Variants in VPS13C observed in about 807,000 individuals in gnomAD.
VPS13C encodes intermembrane lipid transfer protein VPS13C.
Under a neutral mutation model 456.8 loss-of-function variants are expected in VPS13C, and 358 were observed. That is an observed-to-expected ratio of 0.78 (90% CI 0.72 to 0.86). The LOEUF is 0.86. Ranked by LOEUF, VPS13C falls within the 40% of genes least tolerant of loss-of-function variation. The probability of loss-of-function intolerance (pLI) is 0.00; values close to 1 mark genes in which losing one functional copy is unlikely to be tolerated. For synonymous variants in VPS13C, 1,578 were observed against 1,486.7 expected (o/e 1.06, Z -1.41); for missense variants, 4,818 against 4,385.4 (o/e 1.10, Z -2.79).
chr15:61,924,901 G>T (rs1385725385), intron 53 of VPS13C, among the ~76,000 whole-genome samples: 1 of 152,094 alleles, frequency 6.6e-6, no homozygotes, highest in African/African-American at 2.4e-5. Flanking sequence ...TTCGTGACTG[G>T]GCACGAGGTA....
At chr15:61,909,269 G>T in intron 64 of VPS13C, 144 bp from the exon 65 acceptor site, 1 of 965,540 alleles carries the variant, frequency 1.0e-6, no homozygotes, top group Non-Finnish European at 1.5e-6. Flanking sequence ...GTACAGTGGC[G>T]CCATCTCGGG....
chr15:62,036,956 A>G (rs1035600513), intron 3 of VPS13C, among the ~76,000 whole-genome samples: 1 of 151,056 alleles, frequency 6.6e-6, no homozygotes, highest in African/African-American at 2.4e-5. Flanking sequence ...ATTTTAACCT[A>G]AGGAGAAATT....
chr15:62,045,204 G>A (rs182881195), intron 1 of VPS13C, among the ~76,000 whole-genome samples: 1 of 152,230 alleles, frequency 6.6e-6, no homozygotes, highest in Admixed American at 6.5e-5. Context: ...AAGATTACTA[G>A]AACAATATTC....
At chr15:61,941,261 G>T (rs543564155) in intron 46 of VPS13C, among the ~76,000 whole-genome samples, 3 of 152,228 alleles carry the variant, frequency 2.0e-5, no homozygotes, top group East Asian at 1.9e-4. Context: ...ATTCCAGCTT[G>T]CCTGCCAACA....
chr15:61,983,819 C>G lies in VPS13C; in HGVS notation c.1914+1G>C. ...AAGAGTTACTTTCTCCTTGCACTTA[C>G]AGCATCATAGATGACCTCCACAGGC... On this transcript the variant is annotated splice_donor_variant, in intron 20 of 84. Coordinates refer to ENST00000644861, the MANE Select transcript of VPS13C (RefSeq NM_020821.3). LOFTEE classifies it high-confidence loss of function. 6.2e-7 allele frequency: 1 copy of G among 1,613,234 alleles called. No homozygotes were observed. The highest frequency in any genetic ancestry group is 8.5e-7 in the Non-Finnish European group (1 of 1,179,780).
At position 61,962,734 on chromosome 15, in the gene VPS13C, T is replaced by A. The variant is rs1436781996; in HGVS notation, c.3435+15A>T. The A allele has an allele frequency of 6.5e-7, 1 of 1,545,226 alleles. No individual in the cohort carries two copies. Among genetic ancestry groups the A allele is most frequent in the South Asian group, 1.2e-5 (1 of 81,614 alleles). On this transcript the variant is annotated intron_variant, in intron 33 of 84. Coordinates refer to ENST00000644861, the MANE Select transcript of VPS13C (RefSeq NM_020821.3). ...GTCATTAAAGAATATTAACTATCTG[T>A]TTACAATCACCTACTTTCTTATGAA...
chr15:61,941,627 C>T lies in VPS13C; in HGVS notation c.5453+136G>A. ...GACTGTTTAACCACTGACCAAGAAG[C>T]CAATGGTCAAGGTTTCATAATTAGA... On this transcript the variant is annotated intron_variant, in intron 46 of 84. Coordinates refer to ENST00000644861, the MANE Select transcript of VPS13C (RefSeq NM_020821.3). 5.5e-6 allele frequency: 5 copies of T among 910,256 alleles called. No homozygotes were observed. In the South Asian group the frequency reaches 9.9e-5, roughly 18 times the overall value. The allele number at this position is 910,256 out of a possible 1,614,324, so 56.4% of individuals were successfully genotyped here. A position where few individuals can be genotyped will look rare whatever the true frequency, so the allele number is the denominator to read the frequency against.
intron 65 of VPS13C, among the ~76,000 whole-genome samples, chr15:61,908,742 A>T (rs1288330258): frequency 6.6e-6 from 1 of 152,196 alleles, no homozygotes; most frequent in Admixed American, 6.5e-5. Context: ...ACCTGACCTG[A>T]ATTGATACGA....
intron 81 of VPS13C, chr15:61,866,151 A>C: frequency 1.0e-6 from 1 of 984,968 alleles, no homozygotes; most frequent in South Asian, 4.7e-5. Flanking sequence ...CAAAGAATGA[A>C]ATAGCCTAAA....
chr15:62,008,358 T>C (rs1327322552), intron 14 of VPS13C, among the ~76,000 whole-genome samples: 4 of 151,352 alleles, frequency 2.6e-5, no homozygotes, highest in Non-Finnish European at 5.9e-5. Flanking sequence ...CAAGATCACA[T>C]CACTGCACTC....
chr15:61,875,845 A>G lies in VPS13C; in HGVS notation c.10225T>C (p.Phe3409Leu). 2.6e-6 allele frequency: 4 copies of G among 1,562,436 alleles called. No homozygotes were observed. The highest frequency in any genetic ancestry group is 3.4e-6 in the Non-Finnish European group (4 of 1,160,878). ...WSVVRHYSEQFLKQMYVLVLG... is the reference protein window; with the variant it reads ...WSVVRHYSEQLLKQMYVLVLG... ...ACAAGGACATACATCTGTTTCAAGAACTAAAAAAGAAAAAAAATTAAATTA... is the reference window on the plus strand; with the variant it reads ...ACAAGGACATACATCTGTTTCAAGAGCTAAAAAAGAAAAAAAATTAAATTA... The change falls in exon 76 of 85, where the codon TTC becomes CTC. Residue 3409 changes from phenylalanine to leucine, a missense_variant and splice_region_variant. Transcript: ENST00000644861.
At chr15:61,895,511 CTT>C (rs2042781154) in intron 66 of VPS13C, among the ~76,000 whole-genome samples, 1 of 152,020 alleles carries the variant, frequency 6.6e-6, no homozygotes, top group African/African-American at 2.4e-5. Context: ...AATAAGGAGA[CTT>C]ATAACAGTTG....
intron 15 of VPS13C, among the ~76,000 whole-genome samples, chr15:62,002,490 G>A (rs1213881687): frequency 2.0e-5 from 3 of 152,108 alleles, no homozygotes; most frequent in Admixed American, 1.3e-4. Context: ...TCTGATGGTA[G>A]TTTCTTTTGC....
chr15:61,944,844 T>C (rs2044550533), intron 45 of VPS13C, among the ~76,000 whole-genome samples: 1 of 151,944 alleles, frequency 6.6e-6, no homozygotes, highest in Non-Finnish European at 1.5e-5. Flanking sequence ...GAAAAAAAAA[T>C]ATGATTTTTA....
chr15:62,024,326 T>C (rs2047560843), intron 6 of VPS13C, among the ~76,000 whole-genome samples: 1 of 152,080 alleles, frequency 6.6e-6, no homozygotes, highest in African/African-American at 2.4e-5. Flanking sequence ...CACAAGCAAA[T>C]TATTTAATGA....
chr15:61,948,407 C>G (rs771132213), intron 42 of VPS13C, among the ~76,000 whole-genome samples: 32 of 151,998 alleles, frequency 2.1e-4, no homozygotes, highest in Non-Finnish European at 2.4e-4. Flanking sequence ...TCCGGCCGGG[C>G]GTGGTGGCTC....
chr15:62,055,906 AG>A (rs1413896284), intron 1 of VPS13C, among the ~76,000 whole-genome samples: 7 of 152,196 alleles, frequency 4.6e-5, no homozygotes, highest in Non-Finnish European at 1.0e-4. Flanking sequence ...AATTCGCTGC[AG>A]GAAGTTGTCC....
rs530699653 is a variant in VPS13C, at chr15:61,995,314, G to C, written c.1354-3512C>G. 5.3e-5 allele frequency among the ~76,000 whole-genome samples: 8 copies of C among 152,312 alleles called. No individual in the cohort carries two copies. The East Asian group carries it at 1.5e-3, about 29-fold the overall frequency. On this transcript the variant is annotated intron_variant, in intron 16 of 84. Coordinates refer to ENST00000644861, the MANE Select transcript of VPS13C (RefSeq NM_020821.3). ...AGTAGAAGGGGTCACAATTTGGAGA[G>C]TGACCTGCACAAGACTGAGTTTTCC...
intron 63 of VPS13C, among the ~76,000 whole-genome samples, chr15:61,910,597 T>C (rs1218014824): frequency 6.6e-6 from 1 of 152,140 alleles, no homozygotes. Context: ...TTCATTTTAA[T>C]TATTGAAAAA....
Sources: allele counts gnomAD v4.1 joint callset (sites outside exome capture counted in the v4.1 genomes callset), GRCh38; gene constraint gnomAD v4.1.1; transcripts MANE v1.5; gene names NCBI Gene and HGNC (gene_info 2026-07-23, HGNC 2026-07-21).